PIP5K1C: variants seen among roughly 807,000 people sequenced by gnomAD.
PIP5K1C encodes the protein phosphatidylinositol-4-phosphate 5-kinase type 1 gamma.
Under a neutral mutation model 80.1 loss-of-function variants are expected in PIP5K1C, and 45 were observed. The ratio of observed to expected loss-of-function variants is 0.56; its 90% CI spans 0.44 to 0.72. PIP5K1C has a LOEUF of 0.72. PIP5K1C is among the 30% of genes least tolerant of loss of function. The pLI is 0.00. For synonymous variants in PIP5K1C, 498 were observed against 420.1 expected (o/e 1.19, Z -2.27); for missense variants, 753 against 954.6 (o/e 0.79, Z 2.78).
At chr19:3,659,439 C>A (rs2034754459) in intron 5 of PIP5K1C, among the ~76,000 whole-genome samples, 2 of 152,240 alleles carry the variant, frequency 1.3e-5, no homozygotes. Flanking sequence ...CCAGATGGCC[C>A]CAGATCGGCT....
At chr19:3,687,844 C>T (rs545223946) in intron 1 of PIP5K1C, among the ~76,000 whole-genome samples, 1 of 152,280 alleles carries the variant, frequency 6.6e-6, no homozygotes, top group Admixed American at 6.5e-5. Context: ...GGTGGGCGGG[C>T]AGGAGCCAGG....
At chr19:3,638,429 C>A (rs566100424) in intron 16 of PIP5K1C, among the ~76,000 whole-genome samples, 1 of 152,240 alleles carries the variant, frequency 6.6e-6, no homozygotes, top group Admixed American at 6.5e-5. Context: ...GCCACGCCCA[C>A]GGCAACAGGG....
At chr19:3,673,198 CTG>C (rs978577041) in intron 1 of PIP5K1C, among the ~76,000 whole-genome samples, 2 of 152,152 alleles carry the variant, frequency 1.3e-5, no homozygotes, top group African/African-American at 2.4e-5. Flanking sequence ...CAGCGCCACC[CTG>C]TGTCATGGCC....
chr19:3,648,511 C>G lies in PIP5K1C; in HGVS notation c.1211+114G>C. The G allele has an allele frequency of 4.8e-6, 2 of 414,670 alleles. No individual in the cohort carries two copies. Among genetic ancestry groups the G allele is most frequent in the Non-Finnish European group, 9.4e-6 (2 of 213,808 alleles). 25.7% of individuals were successfully genotyped at this position (414,670 alleles called of 1,614,324 possible). A position where few individuals can be genotyped will look rare whatever the true frequency, so the allele number is the denominator to read the frequency against. Reference sequence around the variant, plus strand: ...GTGGGACTGCAGACCCAGGCGCCCACCTGTGGGGCTGCAGACCCGGGCGCC... The same window carrying G: ...GTGGGACTGCAGACCCAGGCGCCCAGCTGTGGGGCTGCAGACCCGGGCGCC... On this transcript the variant is annotated intron_variant, in intron 9 of 17. Coordinates refer to ENST00000335312, the MANE Select transcript of PIP5K1C (RefSeq NM_012398.3). This position sits in a 1 kb window ranked among gnomAD's most constrained non-coding sequence, Gnocchi z 4.3.
intron 1 of PIP5K1C, among the ~76,000 whole-genome samples, chr19:3,686,785 T>C: frequency 6.6e-6 from 1 of 151,930 alleles, no homozygotes; most frequent in Non-Finnish European, 1.5e-5. Context: ...CTGGAATGAA[T>C]GTAATAGCTA....
At position 3,647,350 on chromosome 19, in the gene PIP5K1C, G is replaced by C; in HGVS notation, c.1248C>G (p.Leu416=). The change falls in exon 10 of 18, where the codon CTC becomes CTG. Residue 416 remains leucine, a synonymous_variant. Transcript: ENST00000335312. Reference sequence around the variant, plus strand: ...TGCAGGCGCTCACCCCATCGTGGACGAGGGCCTTCCAGGTGTGCTCCAGTT... The same window carrying C: ...TGCAGGCGCTCACCCCATCGTGGACCAGGGCCTTCCAGGTGTGCTCCAGTT... ...IKKLEHTWKA[L]VHDGDTVSVH... 1 of 1,578,736 alleles carries C rather than the reference G, an allele frequency of 6.3e-7. No homozygotes were observed. Among genetic ancestry groups the C allele is most frequent in the Middle Eastern group, 1.7e-4 (1 of 5,982 alleles).
intron 6 of PIP5K1C, 95 bp downstream of exon 6, chr19:3,656,310 G>A: frequency 7.0e-7 from 1 of 1,420,680 alleles, no homozygotes; most frequent in Non-Finnish European, 9.9e-7. Flanking sequence ...CCCCAAGGAT[G>A]CCTGCTTGCC....
At chr19:3,643,834 T>G (rs2034089465) in intron 12 of PIP5K1C, among the ~76,000 whole-genome samples, 1 of 151,990 alleles carries the variant, frequency 6.6e-6, no homozygotes, top group Non-Finnish European at 1.5e-5. Context: ...CTGGTGCACC[T>G]CAGATGACAG....
At chr19:3,671,912 G>A (rs1257899495) in intron 1 of PIP5K1C, among the ~76,000 whole-genome samples, 4 of 152,218 alleles carry the variant, frequency 2.6e-5, no homozygotes, top group Non-Finnish European at 4.4e-5. Context: ...CCCCGTTTTC[G>A]AGGAAATTAG....
intron 8 of PIP5K1C, among the ~76,000 whole-genome samples, chr19:3,651,582 G>A (rs939600369): frequency 3.3e-5 from 5 of 152,178 alleles, no homozygotes; most frequent in South Asian, 2.1e-4. Flanking sequence ...GCCCAGTCAC[G>A]GGTGAATGGG....
intron 7 of PIP5K1C, 142 bp from the exon 8 acceptor site, chr19:3,652,173 G>A: frequency 1.4e-6 from 1 of 699,256 alleles, no homozygotes; most frequent in Non-Finnish European, 2.5e-6. Flanking sequence ...AGGCAGGAGT[G>A]GGGGTTCTAG....
chr19:3,645,416 A>T (rs906365960), intron 11 of PIP5K1C, among the ~76,000 whole-genome samples: 2 of 152,180 alleles, frequency 1.3e-5, no homozygotes, highest in Non-Finnish European at 2.9e-5. Flanking sequence ...ACAGTGGCCC[A>T]TGAGGGGAAG....
intron 1 of PIP5K1C, among the ~76,000 whole-genome samples, chr19:3,676,503 A>G (rs2035364126): frequency 6.6e-6 from 1 of 152,202 alleles, no homozygotes; most frequent in Non-Finnish European, 1.5e-5. Flanking sequence ...AGGCTGCACC[A>G]TCACTCGGCC....
chr19:3,677,777 G>GAT (rs2035412201), intron 1 of PIP5K1C, among the ~76,000 whole-genome samples: 1 of 96,286 alleles, frequency 1.0e-5, no homozygotes, highest in Non-Finnish European at 2.2e-5. Flanking sequence ...GAGGATGGAG[G>GAT]GATGGAGGGA....
Position 3,688,765 on chromosome 19 carries a change from C to G in PIP5K1C, c.94+11532G>C, listed in dbSNP as rs1300626329. On this transcript the variant is annotated intron_variant, in intron 1 of 17. Transcript: ENST00000335312. The surrounding 1 kb of genome is among the most constrained non-coding windows in gnomAD (Gnocchi z 5.3). Reference sequence around the variant, plus strand: ...GAGAGAGAGGAGAGTGGGGGGAGAACGAGAGCGAGAGACACACCGAGCTGG... The same window carrying G: ...GAGAGAGAGGAGAGTGGGGGGAGAAGGAGAGCGAGAGACACACCGAGCTGG... Among the ~76,000 whole-genome samples the G allele has an allele frequency of 6.6e-6, 1 of 151,420 alleles. No individual in the cohort carries two copies. Among genetic ancestry groups the G allele is most frequent in the Non-Finnish European group, 1.5e-5 (1 of 67,886 alleles).
chr19:3,663,763 A>G (rs2034915491), intron 3 of PIP5K1C, among the ~76,000 whole-genome samples: 1 of 152,238 alleles, frequency 6.6e-6, no homozygotes, highest in African/African-American at 2.4e-5. Flanking sequence ...GCTGGGCCTC[A>G]TTCACTGTTG....
chr19:3,658,305 C>G (rs1224319927), intron 5 of PIP5K1C, among the ~76,000 whole-genome samples: 1 of 152,244 alleles, frequency 6.6e-6, no homozygotes, highest in Non-Finnish European at 1.5e-5. Flanking sequence ...CTGCCATGGC[C>G]TGGCTGGGAG....
intron 1 of PIP5K1C, among the ~76,000 whole-genome samples, chr19:3,683,051 ACT>A (rs2035637769): frequency 6.6e-6 from 1 of 150,718 alleles, no homozygotes; most frequent in African/African-American, 2.4e-5. Flanking sequence ...TCTGCCTGGA[ACT>A]CTCTCTCCCA....
rs1025824107 is a variant in PIP5K1C at position 3,638,940 on chromosome 19, C to G, written c.1864G>C (p.Ala622Pro). 1 of 1,612,162 alleles carries G rather than the reference C, an allele frequency of 6.2e-7. No homozygotes were observed. The highest frequency in any genetic ancestry group is 8.5e-7 in the Non-Finnish European group (1 of 1,179,860). Residue 622 changes from alanine (A) to proline (P), a missense_variant, in exon 16 of 18, where the codon GCA (alanine) becomes CCA (proline). Transcript: ENST00000335312. ...TCGTCCGAGGCCTGGCTGGCAGGTG[C>G]GCCCTCCTCGTCTGAGGCCTGGCTG... ...TASQASDEEG[A>P]PASQASDEED... is the part of the protein sequence containing the mutation.
Sources: allele counts gnomAD v4.1 joint callset (sites outside exome capture counted in the v4.1 genomes callset), GRCh38; gene constraint gnomAD v4.1.1; non-coding constraint Gnocchi (gnomAD v3.1); transcripts MANE v1.5; gene names NCBI Gene and HGNC (gene_info 2026-07-23, HGNC 2026-07-21).